Variants in LTBP1 observed in about 807,000 individuals in gnomAD.
LTBP1 encodes the protein latent-transforming growth factor beta-binding protein 1.
In LTBP1, 129 loss-of-function variants were observed where a neutral mutation model predicts 207.6. That is an observed-to-expected ratio of 0.62 (90% confidence interval 0.54 to 0.72). The LOEUF is 0.72. Ranked by LOEUF, LTBP1 falls within the 30% of genes least tolerant of loss-of-function variation. The probability of loss-of-function intolerance (pLI) is 0.00; values close to 1 mark genes in which losing one functional copy is unlikely to be tolerated. For missense variants in LTBP1, 2,281 were observed against 2,217.2 expected, an observed-to-expected ratio of 1.03 and a Z score of -0.58; for synonymous variants, 963 against 833.7, an observed-to-expected ratio of 1.16 and a Z score of -2.67.
At chr2:33,263,420 T>A (rs2093077303) in intron 15 of LTBP1, 28 bp downstream of exon 15, 4 of 1,528,196 alleles carry the variant, frequency 2.6e-6, no homozygotes, top group Non-Finnish European at 3.6e-6. Flanking sequence ...ACATTATATA[T>A]CACATGGAGG....
chr2:33,183,021 T>A (rs1342164411), intron 5 of LTBP1, among the ~76,000 whole-genome samples: 1 of 152,116 alleles, frequency 6.6e-6, no homozygotes, highest in Non-Finnish European at 1.5e-5. Context: ...AACTTGGGAA[T>A]AATTTCAACA....
chr2:33,319,987 C>G (rs1244929051), intron 24 of LTBP1, among the ~76,000 whole-genome samples: 1 of 152,174 alleles, frequency 6.6e-6, no homozygotes, highest in Admixed American at 6.5e-5. Flanking sequence ...ATCCACTGTT[C>G]TAGGTACTGG....
At chr2:33,288,175 A>G (rs1404315722) in intron 19 of LTBP1, among the ~76,000 whole-genome samples, 1 of 152,184 alleles carries the variant, frequency 6.6e-6, no homozygotes, top group African/African-American at 2.4e-5. Context: ...TACTCATCTC[A>G]TTGAAAGTAC....
rs150341240 is a variant in LTBP1 at position 32,990,878 on chromosome 2, T to C, written c.566-30031T>C. 3.8e-3 allele frequency among the ~76,000 whole-genome samples: 583 copies of C among 152,330 alleles called. 4 individuals carry two copies. Among genetic ancestry groups the C allele is most frequent in the African/African-American group, 0.013 (559 of 41,582 alleles). On this transcript the variant is annotated intron_variant, in intron 2 of 33. Transcript: ENST00000404816. Reference sequence around the variant, plus strand: ...GAAGAAATTACTCAGTTCCTTTGACTGTGTAGGCTGTTGGATGCTGTCTTT... The same window carrying C: ...GAAGAAATTACTCAGTTCCTTTGACCGTGTAGGCTGTTGGATGCTGTCTTT...
intron 3 of LTBP1, among the ~76,000 whole-genome samples, chr2:33,103,292 GCA>G (rs1329656584): frequency 6.7e-6 from 1 of 149,634 alleles, no homozygotes; most frequent in Non-Finnish European, 1.5e-5. Flanking sequence ...TGCACTGTAT[GCA>G]CAGTCTCTAT....
chr2:33,044,587 C>G (rs1470567376), intron 3 of LTBP1, among the ~76,000 whole-genome samples: 5 of 152,158 alleles, frequency 3.3e-5, no homozygotes, highest in Non-Finnish European at 5.9e-5. Flanking sequence ...GTGCATGTGT[C>G]TTTATAGTAG....
intron 24 of LTBP1, among the ~76,000 whole-genome samples, chr2:33,332,032 A>C (rs552572279): frequency 1.3e-5 from 2 of 152,246 alleles, no homozygotes; most frequent in African/African-American, 4.8e-5. Context: ...TTTTATTTTC[A>C]TTCAGAAAAA....
Position 33,110,710 on chromosome 2 carries a change from C to A in LTBP1, c.992C>A (p.Pro331His). The A allele has an allele frequency of 1.9e-6, 3 of 1,614,180 alleles. No individual in the cohort carries two copies. Among genetic ancestry groups the A allele is most frequent in the Non-Finnish European group, 2.5e-6 (3 of 1,180,028 alleles). ...SGEQSTEGSFPLRYVQDQVAA... is the reference protein window; with the variant it reads ...SGEQSTEGSFHLRYVQDQVAA... ...GAGCAGTCCACTGAAGGTTCTTTCC[C>A]TTTAAGATATGTGCAGGATCAAGTT... The change falls in exon 4 of 34, where the codon CCT (proline) becomes CAT (histidine). Residue 331 changes from proline to histidine, a missense_variant. Pro to His is a moderately conservative substitution (Grantham distance 77, BLOSUM62 -2). Coordinates refer to ENST00000404816, the MANE Select transcript of LTBP1 (RefSeq NM_206943.4).
chr2:33,223,217 A>G (rs1037359457), intron 9 of LTBP1, among the ~76,000 whole-genome samples: 41 of 152,362 alleles, frequency 2.7e-4, no homozygotes, highest in African/African-American at 9.1e-4. Context: ...CAAATGGCTC[A>G]TGCCAAAGGA....
chr2:33,257,202 A>C, intron 11 of LTBP1, 82 bp from the exon 12 acceptor site: 1 of 996,902 alleles, frequency 1.0e-6, no homozygotes, highest in Non-Finnish European at 1.6e-6. Context: ...ATTTATTAAG[A>C]GCTATTCATC....
chr2:33,299,662 T>G (rs547290156), intron 20 of LTBP1, among the ~76,000 whole-genome samples: 3 of 152,214 alleles, frequency 2.0e-5, no homozygotes, highest in Non-Finnish European at 4.4e-5. Flanking sequence ...CAAGACAGAA[T>G]TATCTGCTTA....
chr2:33,352,970 C>CTTTTTTTTTTTTTTTTTTTT (rs61357622), intron 26 of LTBP1, among the ~76,000 whole-genome samples: 1 of 93,214 alleles, frequency 1.1e-5, no homozygotes, highest in Non-Finnish European at 2.0e-5. Flanking sequence ...GTAAGCCTTT[C>CTTTTTTTTTTTTTTTTTTTT]TTTTTTTTTT....
At position 33,193,356 on chromosome 2, in the gene LTBP1, G is replaced by T. The variant is rs1293958276; in HGVS notation, c.1701+4505G>T. ...GGGGTTTCACCATGTTGCCCAGGCT[G>T]GTTTAGAACTCCTGACCTCAGGTGA... On this transcript the variant is annotated intron_variant, in intron 7 of 33. Transcript: ENST00000404816. Among the ~76,000 whole-genome samples the T allele has an allele frequency of 2.6e-5, 4 of 152,162 alleles. No individual in the cohort carries two copies. In the South Asian group the frequency reaches 6.2e-4, roughly 24 times the overall value.
chr2:33,153,176 C>T (rs1197837659), intron 5 of LTBP1, among the ~76,000 whole-genome samples: 1 of 152,134 alleles, frequency 6.6e-6, no homozygotes, highest in Non-Finnish European at 1.5e-5. Flanking sequence ...GCTCTGTTTT[C>T]CACTTTGAAT....
chr2:33,026,296 T>C (rs1239581491), intron 3 of LTBP1, among the ~76,000 whole-genome samples: 1 of 152,162 alleles, frequency 6.6e-6, no homozygotes, highest in Non-Finnish European at 1.5e-5. Context: ...GTTTCTCTTG[T>C]GTGCTTTCCT....
chr2:33,277,817 C>T lies in LTBP1; in HGVS notation c.2992+1894C>T, dbSNP rs1487009370. Among the ~76,000 whole-genome samples, 36 of 81,472 alleles carry T rather than the reference C, an allele frequency of 4.4e-4. 1 individual carries two copies. Among genetic ancestry groups the T allele is most frequent in the African/African-American group, 9.3e-4 (17 of 18,326 alleles). 53.4% of individuals were successfully genotyped at this position (81,472 alleles called of 152,430 possible). ...TCTTTCTCTCTCTCTTTCTTTTTTT[C>T]TTTCTTTCTTTCTTTTTTTTTTTTT... is the stretch of plus-strand genomic sequence containing the variant. On this transcript the variant is annotated intron_variant, in intron 18 of 33. Transcript: ENST00000404816.
At position 33,171,919 on chromosome 2, in the gene LTBP1, T is replaced by A. The variant is rs960639247; in HGVS notation, c.1202-14937T>A. On this transcript the variant is annotated intron_variant, in intron 5 of 33. Coordinates refer to ENST00000404816, the MANE Select transcript of LTBP1 (RefSeq NM_206943.4). ...ATCCAGCCAAACTAAGCTTCGGAAG[T>A]GAAGGAGAAATAAAATACTTTACAG... 3.2e-4 allele frequency among the ~76,000 whole-genome samples: 49 copies of A among 152,070 alleles called. 1 individual carries two copies. Among genetic ancestry groups the A allele is most frequent in the Non-Finnish European group, 4.7e-4 (32 of 67,972 alleles).
intron 24 of LTBP1, among the ~76,000 whole-genome samples, chr2:33,334,191 T>A (rs929897830): frequency 6.6e-6 from 1 of 152,132 alleles, no homozygotes; most frequent in Admixed American, 6.5e-5. Flanking sequence ...CGTAGATAAG[T>A]CAAGAACCTT....
In LTBP1 at chr2:33,200,258, G is replaced by A. The variant is rs185489110; in HGVS notation, c.1701+11407G>A. 1.6e-3 allele frequency among the ~76,000 whole-genome samples: 243 copies of A among 152,298 alleles called. 3 individuals are homozygous for A. Among genetic ancestry groups the A allele is most frequent in the African/African-American group, 5.0e-3 (208 of 41,554 alleles). On this transcript the variant is annotated intron_variant, in intron 7 of 33. Coordinates refer to ENST00000404816, the MANE Select transcript of LTBP1 (RefSeq NM_206943.4). ...AGGCTACAGTAACCAAAACAGCGTG[G>A]TACTGGTACCAAAACAGAGATATAA...
Sources: gnomAD v4.1 joint callset for allele counts (sites outside exome capture counted in the v4.1 genomes callset) on GRCh38, gnomAD v4.1.1 for gene constraint, MANE v1.5 for transcripts, NCBI Gene and HGNC (gene_info 2026-07-23, HGNC 2026-07-21) for gene names.